CYGB: variants seen among roughly 807,000 people sequenced by gnomAD.
CYGB encodes cytoglobin.
A neutral mutation model predicts 20.7 loss-of-function variants in CYGB; 13 were observed. That is an observed-to-expected ratio of 0.63 (90% CI 0.41 to 1.00). The LOEUF (loss-of-function observed/expected upper bound fraction) is 1.00, where lower values mean the gene tolerates loss of function less well. CYGB is among the 50% of genes least tolerant of loss of function. The probability of loss-of-function intolerance (pLI) is 0.00; values close to 1 mark genes in which losing one functional copy is unlikely to be tolerated. For missense variants in CYGB, 218 were observed against 257.2 expected (o/e 0.85, Z 1.04); for synonymous variants, 93 against 107.4 (o/e 0.87, Z 0.83).
chr17:76,535,685 TAGAG>T (rs1255593028), intron 1 of CYGB, among the ~76,000 whole-genome samples: 2 of 152,256 alleles, frequency 1.3e-5, no homozygotes, highest in African/African-American at 2.4e-5. Flanking sequence ...AAGAGGGGTG[TAGAG>T]AGAGAAAGAA....
upstream of CYGB, chr17:76,542,510 G>A (rs2075003661): frequency 6.2e-7 from 1 of 1,613,506 alleles, no homozygotes; most frequent in Non-Finnish European, 8.5e-7. Context: ...ACATGGGAAG[G>A]TCGTGCCCTT....
At chr17:76,539,339 TATAG>T (rs2074959660), upstream of CYGB, among the ~76,000 whole-genome samples, 2 of 152,202 alleles carry the variant, frequency 1.3e-5, no homozygotes, top group Non-Finnish European at 2.9e-5. Flanking sequence ...GCAAATGTAA[TATAG>T]TCGTATGGTG....
At chr17:76,544,263 T>A (rs1598215318) in intron 1 of CYGB, 1 of 454,486 alleles carries the variant, frequency 2.2e-6, no homozygotes, top group Admixed American at 2.3e-5. Flanking sequence ...CGGCGATGTC[T>A]CTGCCTGGCT....
chr17:76,548,271 A>C (rs903679087), intron 1 of CYGB, among the ~76,000 whole-genome samples: 11 of 152,162 alleles, frequency 7.2e-5, no homozygotes, highest in African/African-American at 2.7e-4. Context: ...GATACACATA[A>C]ACATACATAC....
At chr17:76,539,919 T>G, upstream of CYGB, 1 of 603,144 alleles carries the variant, frequency 1.7e-6, no homozygotes, top group South Asian at 2.0e-5. Context: ...AGTGCATGCC[T>G]TGACCCTACC....
rs754822846 is a variant in CYGB at position 76,527,719 on chromosome 17, C to G, written c.*859G>C. 2 of 454,046 alleles carry G rather than the reference C, an allele frequency of 4.4e-6. No homozygotes were observed. Among genetic ancestry groups the G allele is most frequent in the Non-Finnish European group, 8.8e-6 (2 of 226,736 alleles). 28.1% of individuals were successfully genotyped at this position (454,046 alleles called of 1,614,324 possible). A position where few individuals can be genotyped will look rare whatever the true frequency, so the allele number is the denominator to read the frequency against. On this transcript the variant is annotated 3_prime_UTR_variant, in exon 4 of 4. Transcript: ENST00000293230. ...GCAGCCCGGATCCCCCGGGGCTGCC[C>G]TGGTGGCCAAGGCAGGTGGAGCTAG...
At chr17:76,545,088 C>T in intron 1 of CYGB, 1 of 454,018 alleles carries the variant, frequency 2.2e-6, no homozygotes, top group South Asian at 1.6e-5. Context: ...AGGGAGCAGG[C>T]TGGCTTTGGT....
rs1165978825 is a variant in CYGB, at chr17:76,528,370, C to T, written c.*208G>A. 1.9e-5 allele frequency: 8 copies of T among 422,582 alleles called. No individual in the cohort carries two copies. The highest frequency in any genetic ancestry group is 4.4e-5 in the Admixed American group (1 of 22,736). 26.2% of individuals were successfully genotyped at this position (422,582 alleles called of 1,614,324 possible). On this transcript the variant is annotated 3_prime_UTR_variant, in exon 4 of 4. Transcript: ENST00000293230. The surrounding 1 kb of genome is among the most constrained non-coding windows in gnomAD (Gnocchi z 5.8). Reference sequence around the variant, plus strand: ...GAAGAGTGGGCCCCGCTCTGCCCGCCGCGCTGGGGTCAGCATCCAGGCAGC... The same window carrying T: ...GAAGAGTGGGCCCCGCTCTGCCCGCTGCGCTGGGGTCAGCATCCAGGCAGC...
chr17:76,527,994 T>G lies in CYGB; in HGVS notation c.*584A>C. 1 of 360,402 alleles carries G rather than the reference T, an allele frequency of 2.8e-6. No homozygotes were observed. Among genetic ancestry groups the G allele is most frequent in the Non-Finnish European group, 5.5e-6 (1 of 181,500 alleles). The allele number at this position is 360,402 out of a possible 1,614,324, so 22.3% of individuals were successfully genotyped here. A position where few individuals can be genotyped will look rare whatever the true frequency, so the allele number is the denominator to read the frequency against. The stretch of plus-strand genomic sequence containing the variant: ...CAGGCCCAGGTCCTCTGCGCTGCTG[T>G]GGGATTTCCTCTTTGCCAGAACACT... On this transcript the variant is annotated 3_prime_UTR_variant, in exon 4 of 4. Coordinates refer to ENST00000293230, the MANE Select transcript of CYGB (RefSeq NM_134268.5).
At chr17:76,544,239 C>T (rs753643696) in intron 1 of CYGB, 1 of 454,590 alleles carries the variant, frequency 2.2e-6, no homozygotes, top group South Asian at 1.6e-5. Context: ...CAGCCAGCCC[C>T]CCTCCCAGCC....
chr17:76,543,742 G>A (rs375538145), intron 1 of CYGB: 6 of 469,282 alleles, frequency 1.3e-5, no homozygotes, highest in African/African-American at 6.0e-5. Flanking sequence ...CTTGTGGTCC[G>A]AGGTGCTGGT....
At position 76,528,167 on chromosome 17, in the gene CYGB, T is replaced by C. The variant is rs936884653; in HGVS notation, c.*411A>G. ...ATTTATATATAGCTCGTATATAGAA[T>C]ATATCTGTATATATGGTAGATGTGT... On this transcript the variant is annotated 3_prime_UTR_variant, in exon 4 of 4. Coordinates refer to ENST00000293230, the MANE Select transcript of CYGB (RefSeq NM_134268.5). This position sits in a 1 kb window ranked among gnomAD's most constrained non-coding sequence, Gnocchi z 5.8. 1.3e-4 allele frequency: 50 copies of C among 392,892 alleles called. No homozygotes were observed. Among genetic ancestry groups the C allele is most frequent in the African/African-American group, 8.9e-4 (43 of 48,488 alleles). The allele number at this position is 392,892 out of a possible 1,614,324, so 24.3% of individuals were successfully genotyped here.
At chr17:76,540,347 C>T, upstream of CYGB, 1 of 1,291,788 alleles carries the variant, frequency 7.7e-7, no homozygotes, top group Non-Finnish European at 1.1e-6. The surrounding 1 kb of genome is among the most constrained non-coding windows in gnomAD (Gnocchi z 5.0). Context: ...TTTGAGGAAC[C>T]CTTGAGAGAG....
At position 76,527,741 on chromosome 17, in the gene CYGB, CTAGCGG is replaced by C. The variant is rs1002451065; in HGVS notation, c.*831_*836del. ...GCCCTGGTGGCCAAGGCAGGTGGAG[CTAGCGG>C]TCGAGGTTTCTGGACTGAGGCCCCT... is the stretch of plus-strand genomic sequence containing the variant. On this transcript the variant is annotated 3_prime_UTR_variant, in exon 4 of 4. Transcript: ENST00000293230. 2.0e-5 allele frequency: 9 copies of C among 453,934 alleles called. No individual in the cohort carries two copies. Among genetic ancestry groups the C allele is most frequent in the Non-Finnish European group, 4.0e-5 (9 of 226,750 alleles). 28.1% of individuals were successfully genotyped at this position (453,934 alleles called of 1,614,324 possible). A position where few individuals can be genotyped will look rare whatever the true frequency, so the allele number is the denominator to read the frequency against.
At chr17:76,538,504 A>G (rs928378415), upstream of CYGB, 6 of 466,784 alleles carry the variant, frequency 1.3e-5, no homozygotes, top group African/African-American at 1.0e-4. Context: ...AATGACACGG[A>G]CAGGCAAGAA....
Position 76,530,900 on chromosome 17 carries a change from C to A in CYGB, c.539+79G>T, listed in dbSNP as rs1385726864. On this transcript the variant is annotated intron_variant, in intron 3 of 3. Coordinates refer to ENST00000293230, the MANE Select transcript of CYGB (RefSeq NM_134268.5). This position sits in a 1 kb window ranked among gnomAD's most constrained non-coding sequence, Gnocchi z 6.1. ...GCCCAGGTGATCAGCCCCAGGGCCT[C>A]AGGAGATATGGGAGACCTCGGGGAC... The A allele has an allele frequency of 8.2e-6, 12 of 1,458,226 alleles. No individual in the cohort carries two copies. The highest frequency in any genetic ancestry group is 1.4e-5 in the African/African-American group (1 of 70,454). 90.3% of individuals were successfully genotyped at this position (1,458,226 alleles called of 1,614,324 possible). A position where few individuals can be genotyped will look rare whatever the true frequency, so the allele number is the denominator to read the frequency against.
chr17:76,546,471 T>TGTGTGTGC lies in CYGB; in HGVS notation c.-53+4390_-53+4391insGCACACAC, dbSNP rs753998867. On this transcript the variant is annotated intron_variant, in intron 1 of 3. Coordinates refer to the CYGB transcript ENST00000589145. The surrounding 1 kb of genome is among the most constrained non-coding windows in gnomAD (Gnocchi z 4.5). ...TGGTTTGTGTGTGTGTGTGTGTGTG[T>TGTGTGTGC]GCGCGCAGTCCTGGGCAAGGGCAAA... 3 of 151,082 alleles carry TGTGTGTGC rather than the reference T, an allele frequency of 2.0e-5. No homozygotes were observed. The highest frequency in any genetic ancestry group is 7.4e-5 in the African/African-American group (3 of 40,428). 9.4% of individuals were successfully genotyped at this position (151,082 alleles called of 1,614,324 possible).
chr17:76,544,215 G>C (rs955156906), intron 1 of CYGB: 5 of 454,400 alleles, frequency 1.1e-5, no homozygotes, highest in African/African-American at 1.0e-4. Context: ...CTGTGCACAC[G>C]CGTCTCTCCT....
chr17:76,527,487 G>A lies in CYGB; in HGVS notation c.*1091C>T. 1 of 410,708 alleles carries A rather than the reference G, an allele frequency of 2.4e-6. No individual in the cohort carries two copies. Among genetic ancestry groups the A allele is most frequent in the Admixed American group, 2.6e-5 (1 of 38,608 alleles). 25.4% of individuals were successfully genotyped at this position (410,708 alleles called of 1,614,324 possible). A position where few individuals can be genotyped will look rare whatever the true frequency, so the allele number is the denominator to read the frequency against. ...TGAGGATGAGGATGGGCCAGGAGGG[G>A]ACACAGCAGGAGCCACAGCAGCAAA... On this transcript the variant is annotated 3_prime_UTR_variant, in exon 4 of 4. Transcript: ENST00000293230.
Sources: allele counts gnomAD v4.1 joint callset (sites outside exome capture counted in the v4.1 genomes callset), GRCh38; gene constraint gnomAD v4.1.1; non-coding constraint Gnocchi (gnomAD v3.1); transcripts MANE v1.5; gene names NCBI Gene and HGNC (gene_info 2026-07-23, HGNC 2026-07-21).